The following SPAG16 variants were observed in gnomAD, a reference collection of about 807,000 sequenced individuals.
The protein encoded by SPAG16 is sperm-associated antigen 16 protein.
SPAG16 carries 86 observed loss-of-function variants against 80.4 expected under a neutral mutation model. The observed-to-expected ratio is 1.07, with a 90% CI of 0.90 to 1.28. SPAG16 has a LOEUF of 1.28. SPAG16 is among the 50% of genes most tolerant of loss of function. The probability of loss-of-function intolerance (pLI) is 0.00; values close to 1 mark genes in which losing one functional copy is unlikely to be tolerated. For synonymous variants in SPAG16, 294 were observed against 265.9 expected, an observed-to-expected ratio of 1.11 and a Z score of -1.03; for missense variants, 870 against 765.3, an observed-to-expected ratio of 1.14 and a Z score of -1.61.
At chr2:214,321,558 T>C (rs538446602) in intron 15 of SPAG16, among the ~76,000 whole-genome samples, 1 of 152,344 alleles carries the variant, frequency 6.6e-6, no homozygotes, top group African/African-American at 2.4e-5. Context: ...ATTCCCCAAA[T>C]TGTTCTAATT....
At chr2:214,293,218 G>A (rs775253421) in intron 15 of SPAG16, among the ~76,000 whole-genome samples, 2 of 152,170 alleles carry the variant, frequency 1.3e-5, no homozygotes, top group Non-Finnish European at 2.9e-5. Context: ...GCAGTGGTGT[G>A]GTGTGCATAA....
intron 10 of SPAG16, among the ~76,000 whole-genome samples, chr2:213,699,717 T>C (rs2065322423): frequency 2.6e-5 from 4 of 152,236 alleles, no homozygotes. Context: ...GTTATGTGAC[T>C]ATGCACATTC....
At chr2:213,692,089 GA>G (rs2064966751) in intron 10 of SPAG16, among the ~76,000 whole-genome samples, 2 of 151,954 alleles carry the variant, frequency 1.3e-5, no homozygotes, top group South Asian at 4.1e-4. Context: ...GTAATTATTA[GA>G]AAAAAATGAA....
intron 4 of SPAG16, among the ~76,000 whole-genome samples, chr2:213,316,102 C>T (rs990808844): frequency 3.3e-5 from 5 of 151,942 alleles, no homozygotes; most frequent in African/African-American, 9.7e-5. Flanking sequence ...GTATACTCAA[C>T]GTTTGTCTTC....
chr2:213,809,267 T>C (rs963591304), intron 10 of SPAG16, among the ~76,000 whole-genome samples: 6 of 152,118 alleles, frequency 3.9e-5, no homozygotes, highest in African/African-American at 1.4e-4. Context: ...TCTAAGGAAA[T>C]AGGAATCTGA....
At chr2:214,075,034 A>G (rs2050999705) in intron 13 of SPAG16, among the ~76,000 whole-genome samples, 1 of 152,166 alleles carries the variant, frequency 6.6e-6, no homozygotes, top group African/African-American at 2.4e-5. Context: ...ACCATATACA[A>G]TGAAAAATAA....
At chr2:213,795,164 G>A (rs1231303325) in intron 10 of SPAG16, among the ~76,000 whole-genome samples, 3 of 152,108 alleles carry the variant, frequency 2.0e-5, no homozygotes, top group African/African-American at 7.2e-5. Context: ...GTTCAATGTG[G>A]TAGTTGTGAG....
At chr2:213,861,032 C>T (rs184922653) in intron 10 of SPAG16, among the ~76,000 whole-genome samples, 21 of 152,250 alleles carry the variant, frequency 1.4e-4, no homozygotes, top group Non-Finnish European at 2.8e-4. Context: ...AAATTCTTTA[C>T]TTGAATTGGC....
intron 9 of SPAG16, among the ~76,000 whole-genome samples, chr2:213,442,033 A>T (rs1166160160): frequency 6.6e-6 from 1 of 152,148 alleles, no homozygotes; most frequent in Non-Finnish European, 1.5e-5. Flanking sequence ...CTATAATCCC[A>T]GCTACTCGGG....
chr2:213,366,159 A>G (rs1259119328), intron 8 of SPAG16, among the ~76,000 whole-genome samples: 2 of 148,766 alleles, frequency 1.3e-5, no homozygotes, highest in Non-Finnish European at 3.0e-5. Flanking sequence ...AAAAAAAAAA[A>G]GAAGAAAGAT....
intron 10 of SPAG16, among the ~76,000 whole-genome samples, chr2:213,597,869 G>A (rs971184132): frequency 2.6e-5 from 4 of 152,154 alleles, no homozygotes; most frequent in African/African-American, 7.2e-5. Context: ...TGCATCTGTC[G>A]AGAAAATCTG....
At position 213,566,347 on chromosome 2, in the gene SPAG16, G is replaced by T. The variant is rs117263662; in HGVS notation, c.1070+76257G>T. The stretch of plus-strand genomic sequence containing the variant: ...TTTATTTAAGGAGATTTTAACTTCA[G>T]GCAAAACATTCAGAGGGAAAAAATA... On this transcript the variant is annotated intron_variant, in intron 10 of 15. Coordinates refer to ENST00000331683, the MANE Select transcript of SPAG16 (RefSeq NM_024532.5). Among the ~76,000 whole-genome samples, 32 of 152,158 alleles carry T rather than the reference G, an allele frequency of 2.1e-4. No homozygotes were observed. The East Asian group carries it at 5.8e-3, about 28-fold the overall frequency.
intron 13 of SPAG16, among the ~76,000 whole-genome samples, chr2:214,098,480 A>G (rs2052756619): frequency 6.6e-6 from 1 of 152,080 alleles, no homozygotes; most frequent in Non-Finnish European, 1.5e-5. Flanking sequence ...ACAGATAGAC[A>G]CAGATGAAAG....
chr2:213,891,398 T>C (rs972119738), intron 11 of SPAG16, among the ~76,000 whole-genome samples: 1 of 152,132 alleles, frequency 6.6e-6, no homozygotes, highest in Admixed American at 6.6e-5. Flanking sequence ...CCAACCATAA[T>C]ACCTAATACC....
intron 13 of SPAG16, among the ~76,000 whole-genome samples, chr2:214,092,954 A>G (rs182081593): frequency 4.6e-5 from 7 of 152,148 alleles, no homozygotes; most frequent in African/African-American, 1.7e-4. Context: ...ATCAATTTCA[A>G]TTTTTGCCAA....
chr2:213,372,255 C>T (rs1308634369), intron 8 of SPAG16, among the ~76,000 whole-genome samples: 1 of 151,938 alleles, frequency 6.6e-6, no homozygotes, highest in African/African-American at 2.4e-5. Flanking sequence ...TAAACCAGAT[C>T]ATAATGATAC....
At chr2:214,322,003 GT>G (rs1696129930) in intron 15 of SPAG16, among the ~76,000 whole-genome samples, 1 of 152,096 alleles carries the variant, frequency 6.6e-6, no homozygotes, top group Admixed American at 6.6e-5. Context: ...TAACTTTTAA[GT>G]TTCAAAAGTT....
At chr2:213,749,565 G>A (rs1319328719) in intron 10 of SPAG16, among the ~76,000 whole-genome samples, 1 of 152,120 alleles carries the variant, frequency 6.6e-6, no homozygotes, top group East Asian at 1.9e-4. Context: ...GTAGTGTCTA[G>A]TATCAGTTTA....
At chr2:213,373,677 C>T (rs1182243745) in intron 8 of SPAG16, among the ~76,000 whole-genome samples, 2 of 152,156 alleles carry the variant, frequency 1.3e-5, no homozygotes, top group African/African-American at 4.8e-5. Context: ...TTGAGTTTCT[C>T]TCCCTACTGA....
Sources: gnomAD v4.1 joint callset for allele counts (sites outside exome capture counted in the v4.1 genomes callset) on GRCh38, gnomAD v4.1.1 for gene constraint, MANE v1.5 for transcripts, NCBI Gene and HGNC (gene_info 2026-07-23, HGNC 2026-07-21) for gene names.